The following CASR variants were observed in gnomAD, a reference collection of about 807,000 sequenced individuals.
The protein encoded by CASR is calcium sensing receptor.
CASR carries 23 observed loss-of-function variants against 69.1 expected under a neutral mutation model. The ratio of observed to expected loss-of-function variants is 0.33; its 90% CI spans 0.24 to 0.47. CASR has a LOEUF of 0.47. CASR is among the 20% of genes least tolerant of loss of function. The pLI is 1.00. For missense variants in CASR, 924 were observed against 1,356.1 expected, an observed-to-expected ratio of 0.68 and a Z score of 5.00; for synonymous variants, 541 against 544.7, an observed-to-expected ratio of 0.99 and a Z score of 0.10.
At chr3:122,264,098 T>C (rs2074659189) in intron 4 of CASR, among the ~76,000 whole-genome samples, 1 of 86,628 alleles carries the variant, frequency 1.2e-5, no homozygotes. Context: ...GACCAGACCT[T>C]GGACCTGTGA....
At chr3:122,266,269 A>AT (rs2074692887) in intron 4 of CASR, among the ~76,000 whole-genome samples, 1 of 151,882 alleles carries the variant, frequency 6.6e-6, no homozygotes, top group Non-Finnish European at 1.5e-5. Context: ...CAAGATGGGA[A>AT]TATTATGGCA....
chr3:122,279,142 C>T (rs1238167903), intron 5 of CASR, among the ~76,000 whole-genome samples: 1 of 152,144 alleles, frequency 6.6e-6, no homozygotes, highest in Non-Finnish European at 1.5e-5. Flanking sequence ...CCAAATGCCA[C>T]TATCAAGGAC....
At chr3:122,263,237 G>A (rs1364533509) in intron 4 of CASR, among the ~76,000 whole-genome samples, 2 of 152,084 alleles carry the variant, frequency 1.3e-5, no homozygotes, top group African/African-American at 2.4e-5. Context: ...TGGAGAGGGC[G>A]GGAATTCCTG....
At chr3:122,211,384 A>C (rs2074063885) in intron 1 of CASR, among the ~76,000 whole-genome samples, 1 of 152,046 alleles carries the variant, frequency 6.6e-6, no homozygotes, top group Non-Finnish European at 1.5e-5. Context: ...ACTTAAACAA[A>C]TTTACAAGAA....
chr3:122,263,564 A>AC (rs929511342), intron 4 of CASR, among the ~76,000 whole-genome samples: 3 of 152,122 alleles, frequency 2.0e-5, no homozygotes, highest in African/African-American at 7.2e-5. Flanking sequence ...ACCACCACAA[A>AC]CCCTTTGGGA....
At chr3:122,195,161 G>A (rs2073877235) in intron 1 of CASR, among the ~76,000 whole-genome samples, 1 of 152,124 alleles carries the variant, frequency 6.6e-6, no homozygotes, top group African/African-American at 2.4e-5. Flanking sequence ...ACATCCCAGA[G>A]CTTGTAATCC....
At chr3:122,280,780 A>G (rs1264864685) in intron 5 of CASR, among the ~76,000 whole-genome samples, 1 of 152,234 alleles carries the variant, frequency 6.6e-6, no homozygotes, top group Non-Finnish European at 1.5e-5. Context: ...TTTGTAAGAC[A>G]TCTTACAAAG....
chr3:122,289,440 G>A lies in CASR; in HGVS notation c.*4249G>A, dbSNP rs932800133. On this transcript the variant is annotated 3_prime_UTR_variant, in exon 7 of 7. Coordinates refer to ENST00000639785, the MANE Select transcript of CASR (RefSeq NM_000388.4). ...GACTTTGCTATTATGCAAGGAGTGAGGCAGGGGTCAGGGAAACAACAAGCA... is the reference window on the plus strand; with the variant it reads ...GACTTTGCTATTATGCAAGGAGTGAAGCAGGGGTCAGGGAAACAACAAGCA... 3 of 152,254 alleles carry A rather than the reference G, an allele frequency of 2.0e-5. No homozygotes were observed. The highest frequency in any genetic ancestry group is 4.4e-5 in the Non-Finnish European group (3 of 68,086). 9.4% of individuals were successfully genotyped at this position (152,254 alleles called of 1,614,324 possible). A position where few individuals can be genotyped will look rare whatever the true frequency, so the allele number is the denominator to read the frequency against.
At chr3:122,254,449 A>G in intron 2 of CASR, 75 bp downstream of exon 2, 1 of 1,436,916 alleles carries the variant, frequency 7.0e-7, no homozygotes, top group East Asian at 2.3e-5. Flanking sequence ...AACGCAAAAT[A>G]ATTTTTTCAA....
At chr3:122,271,716 C>T (rs933068977) in intron 4 of CASR, among the ~76,000 whole-genome samples, 4 of 152,140 alleles carry the variant, frequency 2.6e-5, no homozygotes, top group African/African-American at 9.7e-5. Context: ...ACATTTTCAC[C>T]ACATCAAAAA....
chr3:122,285,448 C>T lies in CASR; in HGVS notation c.*257C>T. 1 of 471,058 alleles carries T rather than the reference C, an allele frequency of 2.1e-6. No homozygotes were observed. The highest frequency in any genetic ancestry group is 3.9e-6 in the Non-Finnish European group (1 of 257,012). The allele number at this position is 471,058 out of a possible 1,614,324, so 29.2% of individuals were successfully genotyped here. A position where few individuals can be genotyped will look rare whatever the true frequency, so the allele number is the denominator to read the frequency against. On this transcript the variant is annotated 3_prime_UTR_variant, in exon 7 of 7. Transcript: ENST00000639785. ...GATCTCCACGGTCAGATTTGCTGTT[C>T]ACCCACATCTAATGTCTCTTCCTCT...
In CASR at chr3:122,262,299, T is replaced by G. The variant is rs1409659640; in HGVS notation, c.1264T>G (p.Leu422Val). The change falls in exon 4 of 7, where the codon TTA becomes GTA. Residue 422 changes from leucine to valine, a missense_variant. By Grantham distance (32) the Leu-to-Val change is conservative (BLOSUM62 1). This residue lies in a region of CASR where 310 missense variants were observed against 395.7 expected (regional missense o/e 0.78). Coordinates refer to ENST00000639785, the MANE Select transcript of CASR (RefSeq NM_000388.4). Reference protein sequence around the residue: ...THLRISYNVYLAVYSIAHALQ... With the variant: ...THLRISYNVYVAVYSIAHALQ... ...TTTACGGATATCCTACAATGTGTAC[T>G]TAGCAGTCTACTCCATTGCCCACGC... is the stretch of plus-strand genomic sequence containing the variant. 5 of 1,614,040 alleles carry G rather than the reference T, an allele frequency of 3.1e-6. No individual in the cohort carries two copies. Among genetic ancestry groups the G allele is most frequent in the Admixed American group, 1.7e-5 (1 of 60,010 alleles).
In CASR at chr3:122,262,167, G is replaced by A. The variant is rs201338034; in HGVS notation, c.1132G>A (p.Glu378Lys). The part of the protein sequence containing the change: ...LPVDTFLRGH[E>K]ESGDRFSNSS... The stretch of plus-strand genomic sequence containing the variant: ...TGTGGACACCTTTCTGAGAGGTCAC[G>A]AAGAAAGTGGCGACAGGTTTAGCAA... Residue 378 changes from glutamate to lysine, a missense_variant, in exon 4 of 7, where the codon GAA (glutamate) becomes AAA (lysine). By Grantham distance (56) the Glu-to-Lys change is moderately conservative (BLOSUM62 1). Coordinates refer to ENST00000639785, the MANE Select transcript of CASR (RefSeq NM_000388.4). 6.2e-7 allele frequency: 1 copy of A among 1,614,220 alleles called. No homozygotes were observed. The highest frequency in any genetic ancestry group is 8.5e-7 in the Non-Finnish European group (1 of 1,180,048).
At chr3:122,248,338 T>C (rs984756945) in intron 1 of CASR, among the ~76,000 whole-genome samples, 2 of 152,204 alleles carry the variant, frequency 1.3e-5, no homozygotes, top group African/African-American at 4.8e-5. Flanking sequence ...AAGCTGCAAC[T>C]ACAGCCAGGC....
chr3:122,284,561 C>T lies in CASR; in HGVS notation c.2607C>T (p.Ile869=), dbSNP rs1258806535. The T allele has an allele frequency of 3.1e-6, 5 of 1,613,976 alleles. No individual in the cohort carries two copies. The highest frequency in any genetic ancestry group is 4.2e-6 in the Non-Finnish European group (5 of 1,180,046). ...TCTTCAAGCCATCCCGCAACACCAT[C>T]GAGGAGGTGCGTTGCAGCACCGCAG... ...IILFKPSRNT[I]EEVRCSTAAH... Residue 869 remains isoleucine (I), a synonymous_variant, in exon 7 of 7, where the codon ATC becomes ATT. Coordinates refer to ENST00000639785, the MANE Select transcript of CASR (RefSeq NM_000388.4).
At chr3:122,191,550 G>A (rs543743309) in intron 1 of CASR, among the ~76,000 whole-genome samples, 9 of 151,660 alleles carry the variant, frequency 5.9e-5, no homozygotes, top group African/African-American at 2.2e-4. Flanking sequence ...GACCTCAGGT[G>A]ATCCACCCAC....
chr3:122,266,516 G>A (rs1434583451), intron 4 of CASR, among the ~76,000 whole-genome samples: 8 of 151,694 alleles, frequency 5.3e-5, no homozygotes, highest in Admixed American at 6.6e-5. Flanking sequence ...TGCAAACTCC[G>A]CCTCCCAGGT....
intron 1 of CASR, chr3:122,184,485 G>A (rs1336223726): frequency 6.5e-6 from 1 of 153,036 alleles, no homozygotes; most frequent in Non-Finnish European, 1.5e-5. Context: ...CACGGCCGAG[G>A]GGCCGGAGCT....
chr3:122,211,285 G>A (rs146835467), intron 1 of CASR, among the ~76,000 whole-genome samples: 2,707 of 152,192 alleles, frequency 0.018, 78 homozygotes, highest in African/African-American at 0.062. Context: ...AGAAACTATC[G>A]TCAGAGTGAA....
Sources: allele counts gnomAD v4.1 joint callset (sites outside exome capture counted in the v4.1 genomes callset), GRCh38; gene constraint gnomAD v4.1.1; regional missense constraint gnomAD v4.1.1; transcripts MANE v1.5; gene names NCBI Gene and HGNC (gene_info 2026-07-23, HGNC 2026-07-21).